The following GALNT12 variants were observed in gnomAD, a reference collection of about 807,000 sequenced individuals.
The protein encoded by GALNT12 is polypeptide N-acetylgalactosaminyltransferase 12, also known as UDP-GalNAc:polypeptide N-acetylgalactosaminyltransferase 12.
Under a neutral mutation model 55.5 loss-of-function variants are expected in GALNT12, and 45 were observed. The ratio of observed to expected loss-of-function variants is 0.81; its 90% CI spans 0.64 to 1.04. The LOEUF is 1.04. Ranked by LOEUF, GALNT12 falls within the 50% of genes least tolerant of loss-of-function variation. GALNT12 has a pLI of 0.00. For missense variants in GALNT12, 709 were observed against 754.8 expected (o/e 0.94, Z 0.71); for synonymous variants, 304 against 312.2 (o/e 0.97, Z 0.28).
At chr9:98,848,841 C>G (rs1836480740) in intron 9 of GALNT12, 111 bp from the exon 10 acceptor site, 1 of 1,281,106 alleles carries the variant, frequency 7.8e-7, no homozygotes, top group Admixed American at 1.9e-5. Flanking sequence ...ACTTACCCCT[C>G]AATAAATATT....
intron 3 of GALNT12, among the ~76,000 whole-genome samples, chr9:98,831,365 T>G (rs1835988449): frequency 6.6e-6 from 1 of 152,230 alleles, no homozygotes. Context: ...GATTAGAATT[T>G]ATATTCTAAT....
chr9:98,845,885 G>A (rs2118503641), intron 8 of GALNT12, 92 bp from the exon 9 acceptor site: 1 of 1,386,160 alleles, frequency 7.2e-7, no homozygotes, highest in Non-Finnish European at 1.0e-6. Flanking sequence ...CCCCACCCAT[G>A]CTCTCGTGAT....
At chr9:98,825,908 G>A (rs192764469) in intron 2 of GALNT12, among the ~76,000 whole-genome samples, 50 of 152,074 alleles carry the variant, frequency 3.3e-4, no homozygotes, top group African/African-American at 1.2e-3. Context: ...CCAAGAAGTT[G>A]AGGCTGCAGT....
chr9:98,844,594 A>G (rs1020113708), intron 8 of GALNT12: 1 of 282,486 alleles, frequency 3.5e-6, no homozygotes, highest in Non-Finnish European at 6.8e-6. Context: ...CTTTGCAATT[A>G]TAAATAACCC....
intron 6 of GALNT12, among the ~76,000 whole-genome samples, chr9:98,837,534 C>T (rs1013284958): frequency 6.6e-6 from 1 of 152,196 alleles, no homozygotes; most frequent in Non-Finnish European, 1.5e-5. Flanking sequence ...TAACATTGCA[C>T]TCATGGCTAA....
chr9:98,826,131 G>A (rs890314008), intron 2 of GALNT12, among the ~76,000 whole-genome samples: 5 of 152,108 alleles, frequency 3.3e-5, no homozygotes, highest in Non-Finnish European at 7.3e-5. Flanking sequence ...TGTGACCTTG[G>A]GCAAGTTACT....
chr9:98,846,232 G>A (rs1186719025), intron 9 of GALNT12, 109 bp downstream of exon 9: 3 of 1,390,132 alleles, frequency 2.2e-6, no homozygotes, highest in Admixed American at 3.4e-5. Context: ...CAGGGATGTG[G>A]CCATGCATGG....
chr9:98,814,999 G>A (rs992554390), intron 1 of GALNT12, among the ~76,000 whole-genome samples: 2 of 152,186 alleles, frequency 1.3e-5, no homozygotes, highest in Non-Finnish European at 2.9e-5. Context: ...AAATGATTGT[G>A]TGCTGTGATG....
chr9:98,837,774 T>C (rs1185583824), intron 6 of GALNT12, among the ~76,000 whole-genome samples: 1 of 152,200 alleles, frequency 6.6e-6, no homozygotes, highest in African/African-American at 2.4e-5. Context: ...GAAGGCGGTG[T>C]GTGCCCTTGT....
At chr9:98,836,914 A>G (rs1456929427) in intron 5 of GALNT12, 58 bp from the exon 6 acceptor site, 20 of 1,566,692 alleles carry the variant, frequency 1.3e-5, no homozygotes, top group South Asian at 8.9e-5. Flanking sequence ...TGCAGATACT[A>G]TGGACCCGCA....
intron 1 of GALNT12, among the ~76,000 whole-genome samples, chr9:98,817,061 C>A (rs537230147): frequency 6.6e-6 from 1 of 152,066 alleles, no homozygotes; most frequent in Admixed American, 6.6e-5. Flanking sequence ...CTCCTGACCT[C>A]GTGATTCACC....
rs1260204360 is a variant in GALNT12 at position 98,849,985 on chromosome 9, G to A, written c.*893G>A. 1 of 211,436 alleles carries A rather than the reference G, an allele frequency of 4.7e-6. No individual in the cohort carries two copies. The highest frequency in any genetic ancestry group is 9.6e-6 in the Non-Finnish European group (1 of 104,624). 13.1% of individuals were successfully genotyped at this position (211,436 alleles called of 1,614,324 possible). ...CTGCAACTGCTGTGAAAATTTCTCT[G>A]AGTAATTCTGATTTGTGAATGATCC... On this transcript the variant is annotated 3_prime_UTR_variant, in exon 10 of 10. Coordinates refer to ENST00000375011, the MANE Select transcript of GALNT12 (RefSeq NM_024642.5).
At position 98,823,252 on chromosome 9, in the gene GALNT12, G is replaced by A; in HGVS notation, c.372-4G>A. The stretch of plus-strand genomic sequence containing the variant: ...GAGTTCCTGAAGTTCCGCTGTATTT[G>A]CAGGTGCAAAGAGAAGAAATATGAT... On this transcript the variant is annotated splice_polypyrimidine_tract_variant and splice_region_variant and intron_variant, in intron 1 of 9. Coordinates refer to ENST00000375011, the MANE Select transcript of GALNT12 (RefSeq NM_024642.5). 6.2e-7 allele frequency: 1 copy of A among 1,614,054 alleles called. No homozygotes were observed. Among genetic ancestry groups the A allele is most frequent in the Non-Finnish European group, 8.5e-7 (1 of 1,179,904 alleles).
chr9:98,825,538 T>C (rs1725530470), intron 2 of GALNT12, among the ~76,000 whole-genome samples: 1 of 152,160 alleles, frequency 6.6e-6, no homozygotes, highest in African/African-American at 2.4e-5. Context: ...GACATAAAAT[T>C]AATGCTGACA....
At chr9:98,841,669 A>G (rs1340567939) in intron 7 of GALNT12, among the ~76,000 whole-genome samples, 1 of 151,534 alleles carries the variant, frequency 6.6e-6, no homozygotes, top group Non-Finnish European at 1.5e-5. Flanking sequence ...GGCACGACAA[A>G]TTCTTTTTTT....
intron 1 of GALNT12, among the ~76,000 whole-genome samples, chr9:98,818,201 G>A (rs947897036): frequency 1.8e-4 from 27 of 151,862 alleles, no homozygotes; most frequent in African/African-American, 5.8e-4. Context: ...ATCCAATATC[G>A]GATGTCTATA....
At chr9:98,835,086 C>A (rs954912228) in intron 4 of GALNT12, among the ~76,000 whole-genome samples, 163 bp from the exon 5 acceptor site, 1 of 152,160 alleles carries the variant, frequency 6.6e-6, no homozygotes, top group African/African-American at 2.4e-5. Context: ...TAGGGTACAT[C>A]TATGCCTCCA....
chr9:98,830,341 AAC>A lies in GALNT12; in HGVS notation c.732-1430_732-1429del, dbSNP rs879610854. Among the ~76,000 whole-genome samples, 398 of 152,292 alleles carry A rather than the reference AAC, an allele frequency of 2.6e-3. 1 individual carries two copies. The highest frequency in any genetic ancestry group is 4.1e-3 in the Non-Finnish European group (282 of 68,010). On this transcript the variant is annotated intron_variant, in intron 3 of 9. Transcript: ENST00000375011. ...GGAGGGTATTCTTGGTTGTCATGTCAACCAGGTAGGGCTCCTGGCATTTTGTG... is the reference window on the plus strand; with the variant it reads ...GGAGGGTATTCTTGGTTGTCATGTCACAGGTAGGGCTCCTGGCATTTTGTG...
intron 3 of GALNT12, among the ~76,000 whole-genome samples, chr9:98,830,919 A>G (rs1175153873): frequency 6.6e-6 from 1 of 152,144 alleles, no homozygotes; most frequent in Non-Finnish European, 1.5e-5. Flanking sequence ...CAGGACTCTT[A>G]GGATTTTTAG....
Sources: allele counts gnomAD v4.1 joint callset (sites outside exome capture counted in the v4.1 genomes callset), GRCh38; gene constraint gnomAD v4.1.1; transcripts MANE v1.5; gene names NCBI Gene and HGNC (gene_info 2026-07-23, HGNC 2026-07-21).